Variants in SPATA13 observed in about 807,000 individuals in gnomAD.
SPATA13 encodes spermatogenesis-associated protein 13.
Under a neutral mutation model 104.0 loss-of-function variants are expected in SPATA13, and 50 were observed. That is an observed-to-expected ratio of 0.48 (90% CI 0.38 to 0.61). The LOEUF (loss-of-function observed/expected upper bound fraction) is 0.61, where lower values mean the gene tolerates loss of function less well. Among genes scored for constraint, SPATA13 ranks in the 20% least tolerant of loss-of-function variants. The probability of loss-of-function intolerance (pLI) is 0.00; values close to 1 mark genes in which losing one functional copy is unlikely to be tolerated. For missense variants in SPATA13, 1,524 were observed against 1,690.6 expected (o/e 0.90, Z 1.73); for synonymous variants, 606 against 667.5 (o/e 0.91, Z 1.42).
intron 1 of SPATA13, among the ~76,000 whole-genome samples, chr13:24,202,524 T>C (rs959044178): frequency 0.017 from 2,271 of 133,588 alleles, 43 homozygotes; most frequent in African/African-American, 0.061. Flanking sequence ...CTTTCCCTTT[T>C]TTTTTTTTTT....
At chr13:24,070,739 A>G (rs987850878) in intron 3 of SPATA13, among the ~76,000 whole-genome samples, 1 of 152,214 alleles carries the variant, frequency 6.6e-6, no homozygotes, top group Non-Finnish European at 1.5e-5. Flanking sequence ...AGGCCTCAAT[A>G]GAACGGAAGG....
intron 1 of SPATA13, among the ~76,000 whole-genome samples, chr13:24,193,825 G>A (rs1428317659): frequency 2.0e-5 from 3 of 152,168 alleles, no homozygotes; most frequent in East Asian, 3.9e-4. Flanking sequence ...CATGTCAGAC[G>A]TTGTGCCAGG....
Position 24,222,905 on chromosome 13 carries a change from T to C in SPATA13, c.-25T>C. ...GAGATGAAGGCCTGGAGCTGCGGTC[T>C]GCGGACTCGGCAGTGCCCGTGGCCA... On this transcript the variant is annotated 5_prime_UTR_variant, in exon 2 of 13. Transcript: ENST00000382108. 1 of 1,550,304 alleles carries C rather than the reference T, an allele frequency of 6.5e-7. No homozygotes were observed.
At position 24,038,690 on chromosome 13, in the gene SPATA13, G is replaced by A. The variant is rs542467066; in HGVS notation, c.-112+20989G>A. Among the ~76,000 whole-genome samples the A allele has an allele frequency of 2.0e-5, 3 of 152,102 alleles. No homozygotes were observed. In the South Asian group the frequency reaches 6.2e-4, roughly 32 times the overall value. On this transcript the variant is annotated intron_variant, in intron 3 of 14. Transcript: ENST00000424834. ...AAACAGGAAAGTGAGTTGGCCCCTC[G>A]CATCCAAACAACTCTATTTACAGAA...
At chr13:24,190,803 A>G (rs925917444) in intron 1 of SPATA13, among the ~76,000 whole-genome samples, 2 of 152,206 alleles carry the variant, frequency 1.3e-5, no homozygotes, top group African/African-American at 4.8e-5. Context: ...TTAGAATATT[A>G]CATAAATTTA....
intron 3 of SPATA13, among the ~76,000 whole-genome samples, chr13:24,040,940 G>A (rs1877901199): frequency 6.6e-6 from 1 of 152,224 alleles, no homozygotes; most frequent in African/African-American, 2.4e-5. Flanking sequence ...GGAAGCCCCT[G>A]GGGGAGACTC....
At chr13:24,156,193 A>T (rs1882252558), upstream of SPATA13, among the ~76,000 whole-genome samples, 2 of 152,188 alleles carry the variant, frequency 1.3e-5, no homozygotes, top group Non-Finnish European at 2.9e-5. Flanking sequence ...TTTTGGGTAT[A>T]TCCCAGAAGA....
chr13:24,115,478 G>A lies in SPATA13; in HGVS notation c.-112+97777G>A, dbSNP rs538346317. Among the ~76,000 whole-genome samples, 6 of 152,362 alleles carry A rather than the reference G, an allele frequency of 3.9e-5. No individual in the cohort carries two copies. The South Asian group carries it at 6.2e-4, about 16-fold the overall frequency. On this transcript the variant is annotated intron_variant, in intron 3 of 14. Coordinates refer to the SPATA13 transcript ENST00000424834. ...AGGAGCGTGAACCCTATTGCAAACC[G>A]CGCATGCGAAGGATGTACGTTGCGT...
intron 3 of SPATA13, among the ~76,000 whole-genome samples, chr13:24,153,371 C>T (rs1211874856): frequency 6.6e-6 from 1 of 152,218 alleles, no homozygotes; most frequent in Non-Finnish European, 1.5e-5. Flanking sequence ...CACCAGCACA[C>T]TCTTCTCACA....
intron 2 of SPATA13, among the ~76,000 whole-genome samples, chr13:24,006,826 C>T (rs886525007): frequency 2.0e-5 from 3 of 152,208 alleles, no homozygotes; most frequent in African/African-American, 7.2e-5. Context: ...TGGGATTTTA[C>T]TCTAAGAGCG....
At chr13:24,124,860 A>G (rs1881158793) in intron 3 of SPATA13, among the ~76,000 whole-genome samples, 1 of 152,054 alleles carries the variant, frequency 6.6e-6, no homozygotes, top group African/African-American at 2.4e-5. Context: ...TTACTAGCAT[A>G]TTGTCAGATT....
chr13:24,278,566 C>T, intron 4 of SPATA13: 1 of 1,297,178 alleles, frequency 7.7e-7, no homozygotes, highest in Admixed American at 3.7e-5. Context: ...GCATGAGCTA[C>T]CACGCCCAGC....
chr13:24,148,734 AAACACATC>A (rs1443762938), intron 3 of SPATA13, among the ~76,000 whole-genome samples: 2 of 152,226 alleles, frequency 1.3e-5, no homozygotes, highest in East Asian at 3.8e-4. Flanking sequence ...TTAATGGACC[AAACACATC>A]AGACAAGTAA....
chr13:24,281,932 G>A (rs1215179465), intron 4 of SPATA13, among the ~76,000 whole-genome samples: 1 of 152,206 alleles, frequency 6.6e-6, no homozygotes, highest in Non-Finnish European at 1.5e-5. Flanking sequence ...CATCATGACA[G>A]CCCTGTCTGT....
chr13:24,093,417 T>C (rs971883983), intron 3 of SPATA13, among the ~76,000 whole-genome samples: 2 of 152,236 alleles, frequency 1.3e-5, no homozygotes, highest in African/African-American at 2.4e-5. Context: ...TGGTTAGTGA[T>C]CTAGGTTTTC....
At chr13:24,217,975 T>G (rs1247732704) in intron 1 of SPATA13, among the ~76,000 whole-genome samples, 4 of 152,124 alleles carry the variant, frequency 2.6e-5, no homozygotes, top group Admixed American at 6.5e-5. Flanking sequence ...AACAGAGAGA[T>G]AACAATGGCT....
intron 4 of SPATA13, chr13:24,278,971 TCCC>T: frequency 1.6e-5 from 2 of 128,360 alleles, no homozygotes; most frequent in South Asian, 1.0e-4. Context: ...CTTCCCTCCT[TCCC>T]TCCCTCCCTC....
In SPATA13 at chr13:24,290,641, T is replaced by C. The variant is rs760725278; in HGVS notation, c.2848-11T>C. On this transcript the variant is annotated splice_polypyrimidine_tract_variant and intron_variant, in intron 8 of 12. Transcript: ENST00000382108. Reference sequence around the variant, plus strand: ...CCCAGAAGCTGACGAAGCTGTACTTTTCCTTCCCAGCAAGAGGGCTTTGCC... The same window carrying C: ...CCCAGAAGCTGACGAAGCTGTACTTCTCCTTCCCAGCAAGAGGGCTTTGCC... The C allele has an allele frequency of 3.7e-6, 6 of 1,612,772 alleles. No individual in the cohort carries two copies. The highest frequency in any genetic ancestry group is 3.4e-6 in the Non-Finnish European group (4 of 1,178,816).
intron 4 of SPATA13, chr13:24,270,720 C>A: frequency 6.6e-7 from 1 of 1,523,850 alleles, no homozygotes; most frequent in Non-Finnish European, 8.8e-7. Flanking sequence ...GGAACGCATA[C>A]AACGTCAAAG....
Sources: allele counts gnomAD v4.1 joint callset (sites outside exome capture counted in the v4.1 genomes callset), GRCh38; gene constraint gnomAD v4.1.1; transcripts MANE v1.5; gene names NCBI Gene and HGNC (gene_info 2026-07-23, HGNC 2026-07-21).